ARID5B: variants seen among roughly 807,000 people sequenced by gnomAD.
The protein encoded by ARID5B is AT-rich interaction domain 5B.
Under a neutral mutation model 97.2 loss-of-function variants are expected in ARID5B, and 13 were observed. The observed-to-expected ratio is 0.13, with a 90% CI of 0.09 to 0.21. ARID5B has a LOEUF of 0.21. Among genes scored for constraint, ARID5B ranks in the 10% least tolerant of loss-of-function variants. The pLI is 1.00. For synonymous variants in ARID5B, 556 were observed against 570.3 expected, an observed-to-expected ratio of 0.97 and a Z score of 0.36; for missense variants, 1,210 against 1,465.3, an observed-to-expected ratio of 0.83 and a Z score of 2.84.
intron 3 of ARID5B, among the ~76,000 whole-genome samples, chr10:61,954,963 G>A (rs1035449942): frequency 1.3e-5 from 2 of 151,178 alleles, no homozygotes; most frequent in South Asian, 2.1e-4. Flanking sequence ...CCAAGATCGC[G>A]CCATTGCACT....
Position 62,093,706 on chromosome 10 carries a change from G to C in ARID5B, c.*676G>C, listed in dbSNP as rs1001015793. The C allele has an allele frequency of 3.1e-5, 5 of 161,498 alleles. No individual in the cohort carries two copies. The highest frequency in any genetic ancestry group is 5.8e-5 in the Non-Finnish European group (5 of 86,120). The allele number at this position is 161,498 out of a possible 1,614,324, so 10.0% of individuals were successfully genotyped here. A position where few individuals can be genotyped will look rare whatever the true frequency, so the allele number is the denominator to read the frequency against. The stretch of plus-strand genomic sequence containing the variant: ...TAAATGGTATTGCTTTTGTTTGCAG[G>C]TCTTTTTGTTTTTGTTTTGTTTTTG... On this transcript the variant is annotated 3_prime_UTR_variant, in exon 10 of 10. Transcript: ENST00000279873.
intron 7 of ARID5B, among the ~76,000 whole-genome samples, chr10:62,066,585 G>T (rs1189181894): frequency 6.6e-6 from 1 of 152,116 alleles, no homozygotes; most frequent in African/African-American, 2.4e-5. Context: ...CAGACCCCTG[G>T]CCTACTGCAC....
chr10:62,053,134 A>C (rs1839812940), intron 5 of ARID5B, among the ~76,000 whole-genome samples: 1 of 152,246 alleles, frequency 6.6e-6, no homozygotes, highest in African/African-American at 2.4e-5. Context: ...GAAACACTGC[A>C]GTAGAGATTA....
intron 3 of ARID5B, among the ~76,000 whole-genome samples, chr10:61,955,946 A>G (rs1042333842): frequency 6.6e-6 from 1 of 152,172 alleles, no homozygotes; most frequent in Non-Finnish European, 1.5e-5. Context: ...CCACTGCACC[A>G]GGCCCAGAAA....
At chr10:62,051,132 G>A in intron 5 of ARID5B, 132 bp downstream of exon 5, 2 of 795,848 alleles carry the variant, frequency 2.5e-6, no homozygotes, top group Non-Finnish European at 4.3e-6. Context: ...CAGAGCTTTT[G>A]AAGCTCTATG....
chr10:62,079,880 G>A (rs919029912), intron 8 of ARID5B, among the ~76,000 whole-genome samples: 2 of 152,220 alleles, frequency 1.3e-5, no homozygotes, highest in African/African-American at 4.8e-5. Context: ...CCAGAAAAGA[G>A]ACCTTTTGTG....
intron 4 of ARID5B, among the ~76,000 whole-genome samples, chr10:62,041,963 T>G (rs10821945): frequency 0.32 from 48,568 of 152,138 alleles, 8,916 homozygotes; most frequent in Non-Finnish European, 0.43. Flanking sequence ...CGAGCAGATT[T>G]ATTGATTGTA....
At chr10:61,959,074 C>A (rs1365621853) in intron 3 of ARID5B, among the ~76,000 whole-genome samples, 2 of 152,188 alleles carry the variant, frequency 1.3e-5, no homozygotes, top group Admixed American at 6.5e-5. Flanking sequence ...TTCATCACTG[C>A]AATATTTTCA....
At chr10:61,960,245 A>T (rs977179639) in intron 3 of ARID5B, among the ~76,000 whole-genome samples, 4 of 152,224 alleles carry the variant, frequency 2.6e-5, no homozygotes, top group African/African-American at 9.6e-5. Context: ...CAGCATGGAA[A>T]TACTACGTAC....
chr10:61,985,796 G>C (rs1214231107), intron 3 of ARID5B, among the ~76,000 whole-genome samples: 1 of 152,026 alleles, frequency 6.6e-6, no homozygotes, highest in Admixed American at 6.6e-5. Flanking sequence ...AAGTAATAGA[G>C]AGAAATAATA....
Position 62,092,219 on chromosome 10 carries a change from G to A in ARID5B, c.2756G>A (p.Gly919Asp). 3 of 1,610,766 alleles carry A rather than the reference G, an allele frequency of 1.9e-6. No individual in the cohort carries two copies. The highest frequency in any genetic ancestry group is 2.5e-6 in the Non-Finnish European group (3 of 1,178,696). The change falls in exon 10 of 10, where the codon GGC (glycine) becomes GAC (aspartate). Residue 919 changes from glycine to aspartate, a missense_variant. Physicochemically the swap from Gly to Asp is moderately conservative, Grantham distance 94. Coordinates refer to ENST00000279873, the MANE Select transcript of ARID5B (RefSeq NM_032199.3). ...SLPKNPHKPTGKVLGLAHSTT... is the reference protein window; with the variant it reads ...SLPKNPHKPTDKVLGLAHSTT... ...CCCAAGAACCCGCACAAACCTACCG[G>A]CAAGGTCCTGGGCCTGGCTCATTCC...
chr10:61,959,851 C>A (rs753198073), intron 3 of ARID5B, among the ~76,000 whole-genome samples: 9 of 152,140 alleles, frequency 5.9e-5, no homozygotes, highest in Non-Finnish European at 7.4e-5. Context: ...GGGAGGGCAG[C>A]ATGGATGACT....
At chr10:61,990,188 C>T (rs772099894) in intron 3 of ARID5B, among the ~76,000 whole-genome samples, 17 of 152,136 alleles carry the variant, frequency 1.1e-4, no homozygotes, top group Non-Finnish European at 1.8e-4. Flanking sequence ...AGAAGCCCTG[C>T]GGTAAGGTGA....
intron 3 of ARID5B, among the ~76,000 whole-genome samples, chr10:61,978,971 C>T (rs982407050): frequency 6.6e-6 from 1 of 152,250 alleles, no homozygotes; most frequent in Non-Finnish European, 1.5e-5. Context: ...AGTTTTTGTC[C>T]GTTCAGTATG....
chr10:61,909,236 C>G (rs74156277), intron 2 of ARID5B, among the ~76,000 whole-genome samples: 1 of 151,946 alleles, frequency 6.6e-6, no homozygotes, highest in Non-Finnish European at 1.5e-5. Flanking sequence ...ATGCTCCCCC[C>G]ACCATAGTGC....
At chr10:62,090,780 C>T (rs781405391) in intron 9 of ARID5B, 82 bp from the exon 10 acceptor site, 21 of 1,481,942 alleles carry the variant, frequency 1.4e-5, no homozygotes, top group Non-Finnish European at 1.8e-5. Flanking sequence ...AGTAAAACTG[C>T]TGTGTGGAAT....
At chr10:62,021,683 G>T (rs1019018689) in intron 4 of ARID5B, among the ~76,000 whole-genome samples, 18 of 152,256 alleles carry the variant, frequency 1.2e-4, no homozygotes, top group African/African-American at 4.3e-4. Flanking sequence ...CAATAACTTG[G>T]TTTTTTCTAC....
intron 3 of ARID5B, among the ~76,000 whole-genome samples, chr10:61,989,081 C>T (rs1233396647): frequency 6.6e-6 from 1 of 151,882 alleles, no homozygotes. Context: ...AGGCATGTGC[C>T]ACCATGCCTG....
At chr10:61,942,371 G>T (rs1051937770) in intron 3 of ARID5B, among the ~76,000 whole-genome samples, 10 of 152,078 alleles carry the variant, frequency 6.6e-5, no homozygotes, top group Non-Finnish European at 1.5e-4. Flanking sequence ...TAGATGAGTG[G>T]TTTTTAAATT....
Sources: gnomAD v4.1 joint callset for allele counts (sites outside exome capture counted in the v4.1 genomes callset) on GRCh38, gnomAD v4.1.1 for gene constraint, MANE v1.5 for transcripts, NCBI Gene and HGNC (gene_info 2026-07-23, HGNC 2026-07-21) for gene names.